B3GALT1: variants seen among roughly 807,000 people sequenced by gnomAD.
B3GALT1 encodes UDP-Gal:betaGlcNAc beta 1,3-galactosyltransferase, polypeptide 1.
B3GALT1 carries 10 observed loss-of-function variants against 23.2 expected under a neutral mutation model. That is an observed-to-expected ratio of 0.43 (90% CI 0.27 to 0.73). The LOEUF (loss-of-function observed/expected upper bound fraction) is 0.73. Ranked by LOEUF, B3GALT1 falls within the 30% of genes least tolerant of loss-of-function variation. The probability of loss-of-function intolerance (pLI) is 0.21; values close to 1 mark genes in which losing one functional copy is unlikely to be tolerated. For missense variants in B3GALT1, 299 were observed against 405.4 expected (o/e 0.74, Z 2.25); for synonymous variants, 156 against 141.5 (o/e 1.10, Z -0.73).
At position 167,736,728 on chromosome 2, in the gene B3GALT1, C is replaced by T. The variant is rs536099008; in HGVS notation, c.-351-81944C>T. ...ACCAACCTGGCCAACATGGCGAAAC[C>T]CTGTTTCTACTAAAAAAAAGAAAGA... On this transcript the variant is annotated intron_variant, in intron 3 of 4. Coordinates refer to ENST00000392690, the MANE Select transcript of B3GALT1 (RefSeq NM_020981.4). Among the ~76,000 whole-genome samples, 4 of 152,136 alleles carry T rather than the reference C, an allele frequency of 2.6e-5. No individual in the cohort carries two copies. The East Asian group carries it at 7.7e-4, about 29-fold the overall frequency.
At chr2:167,812,712 G>C (rs544677916) in intron 3 of B3GALT1, among the ~76,000 whole-genome samples, 1 of 152,190 alleles carries the variant, frequency 6.6e-6, no homozygotes, top group South Asian at 2.1e-4. Flanking sequence ...TAAAAATATT[G>C]CTGAATTGTT....
chr2:167,866,806 C>A (rs1690226682), intron 4 of B3GALT1, among the ~76,000 whole-genome samples: 1 of 152,318 alleles, frequency 6.6e-6, no homozygotes, highest in East Asian at 1.9e-4. Flanking sequence ...CAAAAGTAGA[C>A]TAAGAATCAG....
At chr2:167,791,302 A>G (rs1316961645) in intron 3 of B3GALT1, among the ~76,000 whole-genome samples, 5 of 152,174 alleles carry the variant, frequency 3.3e-5, no homozygotes, top group South Asian at 2.1e-4. Flanking sequence ...TTGTCATACA[A>G]ACTACTTTCG....
intron 1 of B3GALT1, among the ~76,000 whole-genome samples, chr2:167,397,115 G>T (rs1281574736): frequency 6.6e-6 from 1 of 152,042 alleles, no homozygotes; most frequent in African/African-American, 2.4e-5. Context: ...TTCAGAGAAA[G>T]ATTTATATTT....
At chr2:167,679,955 T>C (rs929753313) in intron 3 of B3GALT1, among the ~76,000 whole-genome samples, 1 of 152,232 alleles carries the variant, frequency 6.6e-6, no homozygotes, top group Non-Finnish European at 1.5e-5. Flanking sequence ...CCTTTACTGA[T>C]AGAATGAGTT....
intron 2 of B3GALT1, among the ~76,000 whole-genome samples, chr2:167,512,639 TATATATATATA>T (rs1700041648): frequency 7.6e-6 from 1 of 130,986 alleles, no homozygotes; most frequent in Non-Finnish European, 1.6e-5. Flanking sequence ...TATATATACA[TATATATATATA>T]TTTTGAGATA....
intron 3 of B3GALT1, among the ~76,000 whole-genome samples, chr2:167,727,219 T>C (rs1687332269): frequency 6.6e-6 from 1 of 152,202 alleles, no homozygotes; most frequent in African/African-American, 2.4e-5. Context: ...GATGTGATTA[T>C]CTCCATCAGC....
intron 2 of B3GALT1, among the ~76,000 whole-genome samples, chr2:167,561,093 T>G (rs948703458): frequency 6.6e-6 from 1 of 152,010 alleles, no homozygotes; most frequent in Non-Finnish European, 1.5e-5. Flanking sequence ...GAACAGAAAT[T>G]ATAACAAACT....
intron 2 of B3GALT1, among the ~76,000 whole-genome samples, chr2:167,559,822 C>T (rs1322564184): frequency 6.6e-6 from 1 of 152,148 alleles, no homozygotes; most frequent in Non-Finnish European, 1.5e-5. Context: ...ACCAAATCTA[C>T]GTCTGATTGG....
At chr2:167,349,372 A>G (rs773550428) in intron 1 of B3GALT1, among the ~76,000 whole-genome samples, 24 of 152,156 alleles carry the variant, frequency 1.6e-4, no homozygotes, top group South Asian at 4.1e-4. Flanking sequence ...TTGTGTTTCA[A>G]GTAACCTTTA....
intron 1 of B3GALT1, among the ~76,000 whole-genome samples, chr2:167,301,450 T>C (rs1416056551): frequency 6.6e-6 from 1 of 152,230 alleles, no homozygotes; most frequent in African/African-American, 2.4e-5. Flanking sequence ...ATAGAAAGTG[T>C]GACTTTACTA....
At chr2:167,799,313 T>C (rs1481888652) in intron 3 of B3GALT1, among the ~76,000 whole-genome samples, 1 of 152,150 alleles carries the variant, frequency 6.6e-6, no homozygotes, top group Non-Finnish European at 1.5e-5. Flanking sequence ...TTGTACCCAA[T>C]AGGTGATTTT....
At chr2:167,803,645 T>C (rs1688686214) in intron 3 of B3GALT1, among the ~76,000 whole-genome samples, 1 of 152,158 alleles carries the variant, frequency 6.6e-6, no homozygotes, top group Non-Finnish European at 1.5e-5. Context: ...CACCCATCCC[T>C]TTGACCTTTA....
At chr2:167,572,901 C>T (rs1259791926) in intron 2 of B3GALT1, among the ~76,000 whole-genome samples, 1 of 151,672 alleles carries the variant, frequency 6.6e-6, no homozygotes, top group Non-Finnish European at 1.5e-5. Flanking sequence ...GCTAGTTGCC[C>T]TACTAAATTA....
chr2:167,624,004 G>C (rs1685301866), intron 2 of B3GALT1, among the ~76,000 whole-genome samples: 1 of 151,984 alleles, frequency 6.6e-6, no homozygotes, highest in Non-Finnish European at 1.5e-5. Flanking sequence ...AGGGTATTGG[G>C]AAGTCTTAAA....
At chr2:167,506,772 GTTGGAT>G (rs6147019) in intron 2 of B3GALT1, among the ~76,000 whole-genome samples, 74,975 of 151,258 alleles carry the variant, frequency 0.5, 21,511 homozygotes, top group East Asian at 0.98. Context: ...TCAAGTATGA[GTTGGAT>G]TTGGATTTGG....
At chr2:167,668,346 C>G (rs1196881419) in intron 3 of B3GALT1, among the ~76,000 whole-genome samples, 1 of 152,116 alleles carries the variant, frequency 6.6e-6, no homozygotes, top group Non-Finnish European at 1.5e-5. Flanking sequence ...AACCACTGCT[C>G]TCTTCAAAGC....
At chr2:167,819,558 G>A (rs1214419483) in intron 4 of B3GALT1, among the ~76,000 whole-genome samples, 2 of 152,176 alleles carry the variant, frequency 1.3e-5, no homozygotes, top group Non-Finnish European at 2.9e-5. Context: ...TCACCTGGAT[G>A]ACACTCCTAT....
At position 167,872,114 on chromosome 2, in the gene B3GALT1, G is replaced by T. The variant is rs1268830197; in HGVS notation, c.*2094G>T. 6.6e-6 allele frequency: 1 copy of T among 151,560 alleles called. No individual in the cohort carries two copies. Among genetic ancestry groups the T allele is most frequent in the Non-Finnish European group, 1.5e-5 (1 of 67,876 alleles). 9.4% of individuals were successfully genotyped at this position (151,560 alleles called of 1,614,324 possible). A position where few individuals can be genotyped will look rare whatever the true frequency, so the allele number is the denominator to read the frequency against. On this transcript the variant is annotated 3_prime_UTR_variant, in exon 5 of 5. Coordinates refer to ENST00000392690, the MANE Select transcript of B3GALT1 (RefSeq NM_020981.4). ...AGACGGGGTTTCACCGTGTTAGCCA[G>T]GATGGTCTCGATCTCCTGACCTCGT... is the stretch of plus-strand genomic sequence containing the variant.
Sources: gnomAD v4.1 joint callset for allele counts (sites outside exome capture counted in the v4.1 genomes callset) on GRCh38, gnomAD v4.1.1 for gene constraint, MANE v1.5 for transcripts, NCBI Gene and HGNC (gene_info 2026-07-23, HGNC 2026-07-21) for gene names.